Variants in KCNMA1 observed in about 807,000 individuals in gnomAD.
KCNMA1 encodes the protein Calcium-activated potassium channel subunit alpha-1.
A neutral mutation model predicts 140.0 loss-of-function variants in KCNMA1; 29 were observed. That is an observed-to-expected ratio of 0.21 (90% CI 0.15 to 0.28). The LOEUF is 0.28. Ranked by LOEUF, KCNMA1 falls within the 10% of genes least tolerant of loss-of-function variation. The probability of loss-of-function intolerance (pLI) is 1.00; values close to 1 mark genes in which losing one functional copy is unlikely to be tolerated. For synonymous variants in KCNMA1, 612 were observed against 611.9 expected (o/e 1.00, Z 0.00); for missense variants, 880 against 1,602.2 (o/e 0.55, Z 7.70).
chr10:77,200,681 T>C (rs1468249550), intron 3 of KCNMA1, among the ~76,000 whole-genome samples: 1 of 151,892 alleles, frequency 6.6e-6, no homozygotes, highest in Non-Finnish European at 1.5e-5. Flanking sequence ...CTGTTCTTTC[T>C]GCTATTTGGA....
At chr10:77,600,791 G>A (rs2082394079) in intron 1 of KCNMA1, among the ~76,000 whole-genome samples, 1 of 151,600 alleles carries the variant, frequency 6.6e-6, no homozygotes, top group Non-Finnish European at 1.5e-5. Flanking sequence ...ATGCGCACAT[G>A]CACACACACA....
intron 2 of KCNMA1, among the ~76,000 whole-genome samples, chr10:77,379,606 T>C (rs1436659384): frequency 6.6e-6 from 1 of 150,850 alleles, no homozygotes; most frequent in Non-Finnish European, 1.5e-5. Context: ...ACAACAATAA[T>C]AAAATTAGAA....
intron 3 of KCNMA1, among the ~76,000 whole-genome samples, chr10:77,243,778 T>C (rs187346263): frequency 1.3e-5 from 2 of 152,240 alleles, no homozygotes; most frequent in East Asian, 1.9e-4. Context: ...CCTTCCACAG[T>C]GGAGCTGAAC....
At chr10:77,591,699 G>T (rs1279492516) in intron 1 of KCNMA1, among the ~76,000 whole-genome samples, 1 of 152,172 alleles carries the variant, frequency 6.6e-6, no homozygotes, top group Admixed American at 6.5e-5. Context: ...CAATCCCTGT[G>T]CTCCTGGCTT....
rs10563488 is a variant in KCNMA1, at chr10:76,970,329, GAAAA to G, written c.2267-266_2267-263del. 0.37 allele frequency: 69,444 copies of G among 186,722 alleles called. 9,462 individuals are homozygous for G. Among genetic ancestry groups the G allele is most frequent in the African/African-American group, 0.48 (18,207 of 37,638 alleles). 11.6% of individuals were successfully genotyped at this position (186,722 alleles called of 1,614,324 possible). A position where few individuals can be genotyped will look rare whatever the true frequency, so the allele number is the denominator to read the frequency against. ...ACAGTTTGTAAACACCCTGCCATAA[GAAAA>G]AAAAAAAAAAAAAAGAAATCATGAT... On this transcript the variant is annotated intron_variant, in intron 19 of 27. Transcript: ENST00000286628.
intron 1 of KCNMA1, chr10:77,635,318 G>A (rs1434739296): frequency 6.6e-6 from 1 of 152,108 alleles, no homozygotes; most frequent in Non-Finnish European, 1.5e-5. Flanking sequence ...AGGACCCCAG[G>A]TTCACAAAAA....
chr10:77,350,726 G>C (rs956562367), intron 2 of KCNMA1: 8 of 152,252 alleles, frequency 5.3e-5, no homozygotes, highest in Non-Finnish European at 8.8e-5. Context: ...ATCCTCATAT[G>C]GGGGTGGGGA....
intron 15 of KCNMA1, among the ~76,000 whole-genome samples, chr10:77,033,175 T>G (rs1021483483): frequency 6.6e-6 from 1 of 152,174 alleles, no homozygotes; most frequent in Non-Finnish European, 1.5e-5. Context: ...CAAGGTCTTC[T>G]GGATCGAGGG....
At chr10:77,580,749 T>C (rs779528293) in intron 1 of KCNMA1, among the ~76,000 whole-genome samples, 1 of 152,232 alleles carries the variant, frequency 6.6e-6, no homozygotes, top group African/African-American at 2.4e-5. Flanking sequence ...GACCTGTTCC[T>C]GAAGCTAAAC....
chr10:77,345,656 G>A (rs961659593), intron 2 of KCNMA1, among the ~76,000 whole-genome samples: 1 of 152,182 alleles, frequency 6.6e-6, no homozygotes, highest in African/African-American at 2.4e-5. Flanking sequence ...AACCAAGTTG[G>A]GTTATTATAG....
At chr10:77,490,599 A>G (rs1478552522) in intron 1 of KCNMA1, among the ~76,000 whole-genome samples, 2 of 152,224 alleles carry the variant, frequency 1.3e-5, no homozygotes, top group East Asian at 3.8e-4. Context: ...AGGTTATGTC[A>G]TTTAATCTTC....
chr10:77,419,391 G>A (rs1445128641), intron 1 of KCNMA1, among the ~76,000 whole-genome samples: 8 of 152,104 alleles, frequency 5.3e-5, no homozygotes, highest in South Asian at 2.1e-4. Flanking sequence ...GAGCAGATCC[G>A]GAAGAAAGGT....
At chr10:77,030,927 G>A (rs1200167167) in intron 15 of KCNMA1, among the ~76,000 whole-genome samples, 1 of 152,176 alleles carries the variant, frequency 6.6e-6, no homozygotes, top group African/African-American at 2.4e-5. Context: ...GGAAAGGAGA[G>A]GGATAGAATG....
chr10:77,557,051 G>T (rs1488610990), intron 1 of KCNMA1, among the ~76,000 whole-genome samples: 1 of 152,200 alleles, frequency 6.6e-6, no homozygotes, highest in Admixed American at 6.5e-5. Flanking sequence ...TTTGGCAAAA[G>T]AGCAAAAGAT....
intron 20 of KCNMA1, among the ~76,000 whole-genome samples, chr10:76,959,888 G>A (rs561163291): frequency 8.5e-5 from 13 of 152,128 alleles, no homozygotes; most frequent in African/African-American, 2.4e-4. Flanking sequence ...TGTTATTATC[G>A]GGCTCTGTGT....
At chr10:77,124,760 C>T (rs2097697229) in intron 5 of KCNMA1, among the ~76,000 whole-genome samples, 1 of 152,170 alleles carries the variant, frequency 6.6e-6, no homozygotes, top group South Asian at 2.1e-4. Context: ...TCAGATCAAG[C>T]CAGACTATCT....
At chr10:76,892,195 C>T (rs758589181) in intron 25 of KCNMA1, among the ~76,000 whole-genome samples, 3 of 152,156 alleles carry the variant, frequency 2.0e-5, no homozygotes, top group Non-Finnish European at 4.4e-5. Flanking sequence ...TAATGCCACA[C>T]GCTTAACGAT....
rs564008225 is a variant in KCNMA1, at chr10:77,576,479, T to C, written c.378+60786A>G. Among the ~76,000 whole-genome samples, 33 of 152,256 alleles carry C rather than the reference T, an allele frequency of 2.2e-4. No homozygotes were observed. The South Asian group carries it at 4.1e-3, about 19-fold the overall frequency. ...TCAGGGATCTTGGAAGCAGGCGGAC[T>C]CTCGGCCTCTCCCAGCACTTGATGG... On this transcript the variant is annotated intron_variant, in intron 1 of 27. Transcript: ENST00000286628.
rs771995453 is a variant in KCNMA1 at position 77,427,720 on chromosome 10, CATTTATTTATTT to C, written c.379-23709_379-23698del. Among the ~76,000 whole-genome samples, 172 of 68,012 alleles carry C rather than the reference CATTTATTTATTT, an allele frequency of 2.5e-3. 1 individual carries two copies. In the South Asian group the frequency reaches 0.042, roughly 16 times the overall value. 44.6% of individuals were successfully genotyped at this position (68,012 alleles called of 152,430 possible). A position where few individuals can be genotyped will look rare whatever the true frequency, so the allele number is the denominator to read the frequency against. On this transcript the variant is annotated intron_variant, in intron 1 of 27. Transcript: ENST00000286628. ...ATCCAATCCTGAGCATCCATCCATT[CATTTATTTATTT>C]ATTTATTTATTTATTTATTTATTTA... is the stretch of plus-strand genomic sequence containing the variant.
Sources: allele counts gnomAD v4.1 joint callset (sites outside exome capture counted in the v4.1 genomes callset), GRCh38; gene constraint gnomAD v4.1.1; transcripts MANE v1.5; gene names NCBI Gene and HGNC (gene_info 2026-07-23, HGNC 2026-07-21).